Variants in AFF2 observed in about 807,000 individuals in gnomAD.
The protein encoded by AFF2 is AF4/FMR2 family member 2.
In AFF2, 14 loss-of-function variants were observed where a neutral mutation model predicts 76.9. The ratio of observed to expected loss-of-function variants is 0.18; its 90% CI spans 0.12 to 0.28. The LOEUF is 0.28. Ranked by LOEUF, AFF2 falls within the 10% of genes least tolerant of loss-of-function variation. The pLI is 1.00. For missense variants in AFF2, 868 were observed against 1,001.1 expected (o/e 0.87, Z 1.79); for synonymous variants, 398 against 366.7 (o/e 1.09, Z -0.98).
intron 1 of AFF2, among the ~76,000 whole-genome samples, chrX:148,578,494 C>T (rs2053317141): frequency 9.0e-6 from 1 of 111,370 alleles, no homozygotes; most frequent in Non-Finnish European, 1.9e-5. Flanking sequence ...TTTATGTTTC[C>T]CCTGCTGCCT....
intron 1 of AFF2, among the ~76,000 whole-genome samples, chrX:148,520,484 G>A (rs782748401): frequency 5.4e-5 from 6 of 111,702 alleles, no homozygotes; most frequent in South Asian, 3.8e-4. Flanking sequence ...CGGCTCCCAC[G>A]TTTTTGTGCT....
Position 148,973,474 on chromosome X carries a change from G to C in AFF2, c.3271G>C (p.Glu1091Gln). The change falls in exon 16 of 21, where the codon GAG becomes CAG. Residue 1091 changes from glutamate to glutamine, a missense_variant. Coordinates refer to ENST00000370460, the MANE Select transcript of AFF2 (RefSeq NM_002025.4). ...ACGAGTCATCTTCCTGTTTCAGTTC[G>C]AGAAATTTGGCAAAGCTGTGAATTA... ...KLKHKADALF[E>Q]KFGKAVNYAD... 1 of 1,210,733 alleles carries C rather than the reference G, an allele frequency of 8.3e-7. No individual in the cohort carries two copies. The highest frequency in any genetic ancestry group is 1.1e-6 in the Non-Finnish European group (1 of 894,970).
At chrX:148,752,885 AAGGGTTCTT>A (rs1461677677) in intron 3 of AFF2, among the ~76,000 whole-genome samples, 17 of 111,912 alleles carry the variant, frequency 1.5e-4, no homozygotes, top group African/African-American at 5.5e-4. Flanking sequence ...TCATTGAGCA[AAGGGTTCTT>A]AGACATCAGC....
intron 1 of AFF2, among the ~76,000 whole-genome samples, chrX:148,633,294 A>G (rs1471395240): frequency 1.8e-5 from 2 of 111,828 alleles, no homozygotes; most frequent in Non-Finnish European, 3.8e-5. Context: ...GCACCCTGAA[A>G]CTAATCTTAC....
chrX:148,798,686 A>G (rs1411827575), intron 3 of AFF2, among the ~76,000 whole-genome samples: 1 of 112,279 alleles, frequency 8.9e-6, no homozygotes, highest in Non-Finnish European at 1.9e-5. Context: ...GAAATAATCA[A>G]TACCTTGTTT....
intron 3 of AFF2, among the ~76,000 whole-genome samples, chrX:148,708,810 A>G: frequency 8.9e-6 from 1 of 112,650 alleles, no homozygotes. Context: ...AGATATGCCT[A>G]TAGATTTTTG....
intron 20 of AFF2, among the ~76,000 whole-genome samples, 174 bp downstream of exon 20, chrX:148,987,731 G>A (rs781917581): frequency 9.0e-6 from 1 of 111,423 alleles, no homozygotes; most frequent in Admixed American, 9.5e-5. Flanking sequence ...TATTATTCCT[G>A]AGAGCATAAA....
intron 7 of AFF2, among the ~76,000 whole-genome samples, chrX:148,878,472 CT>C (rs1486967072): frequency 1.8e-5 from 2 of 111,680 alleles, no homozygotes; most frequent in African/African-American, 6.5e-5. Flanking sequence ...TTCAGTCAAT[CT>C]ATATTCTTTA....
Position 148,897,844 on chromosome X carries a change from A to G in AFF2, c.1360-6377A>G, listed in dbSNP as rs956531328. 3.6e-5 allele frequency among the ~76,000 whole-genome samples: 4 copies of G among 110,851 alleles called. No homozygotes were observed. In the Admixed American group the frequency reaches 3.9e-4, roughly 11 times the overall value. ...CAAACCCCAGGGGAACAGAGTGACC[A>G]AGTGCCACTTACATTGGGCCTCCTG... On this transcript the variant is annotated intron_variant, in intron 8 of 20. Coordinates refer to ENST00000370460, the MANE Select transcript of AFF2 (RefSeq NM_002025.4).
intron 3 of AFF2, among the ~76,000 whole-genome samples, chrX:148,763,124 T>G (rs2069471976): frequency 8.9e-6 from 1 of 112,364 alleles, no homozygotes; most frequent in Admixed American, 9.5e-5. Context: ...TTTGAGAATC[T>G]CAATGCATTT....
At position 148,860,504 on chromosome X, in the gene AFF2, T is replaced by A. The variant is rs111928853; in HGVS notation, c.1262+17071T>A. ...TGTTACGTGGAATCATCATTTTGAA[T>A]AGAGCAAAATGACGCTGGAAAAGAG... On this transcript the variant is annotated intron_variant, in intron 7 of 20. Transcript: ENST00000370460. 6.4e-3 allele frequency among the ~76,000 whole-genome samples: 711 copies of A among 111,756 alleles called. 10 individuals carry two copies. The highest frequency in any genetic ancestry group is 0.021 in the African/African-American group (663 of 30,871).
chrX:148,780,807 G>C (rs1356353272), intron 3 of AFF2, among the ~76,000 whole-genome samples: 2 of 111,662 alleles, frequency 1.8e-5, no homozygotes, highest in African/African-American at 6.5e-5. Flanking sequence ...GAGGAGTTGT[G>C]ATCCTTTGGA....
At chrX:148,990,480 T>G (rs2072521540) in intron 20 of AFF2, among the ~76,000 whole-genome samples, 1 of 112,503 alleles carries the variant, frequency 8.9e-6, no homozygotes, top group Admixed American at 9.4e-5. Context: ...TCATATAGTT[T>G]TTCCCACATA....
intron 9 of AFF2, among the ~76,000 whole-genome samples, chrX:148,949,451 C>T (rs1434838159): frequency 8.9e-6 from 1 of 112,013 alleles, no homozygotes; most frequent in Non-Finnish European, 1.9e-5. Flanking sequence ...GATTCCCCCA[C>T]TAGGGTCACT....
Position 148,524,760 on chromosome X carries a change from C to T in AFF2, c.47+23616C>T, listed in dbSNP as rs193293100. On this transcript the variant is annotated intron_variant, in intron 1 of 20. Transcript: ENST00000370460. ...TATATCTGAGTTACCAATGCCTCAT[C>T]TTCCAGAGAGCAGGCAGTAGGCGGC... 2.1e-3 allele frequency among the ~76,000 whole-genome samples: 234 copies of T among 112,233 alleles called. 2 individuals carry two copies. Among genetic ancestry groups the T allele is most frequent in the African/African-American group, 7.4e-3 (228 of 30,930 alleles).
At chrX:148,521,321 C>G (rs920411247) in intron 1 of AFF2, among the ~76,000 whole-genome samples, 3 of 108,085 alleles carry the variant, frequency 2.8e-5, no homozygotes, top group African/African-American at 1.0e-4. Context: ...GTATAACTTA[C>G]AAACTGAATG....
rs200788138 is a variant in AFF2, at chrX:148,955,653, A to G, written c.1608A>G (p.Lys536=). The G allele has an allele frequency of 1.4e-4, 170 of 1,209,275 alleles. No homozygotes were observed. The East Asian group carries it at 1.5e-3, about 11-fold the overall frequency. ...GGCAACTGGATAAATGGCTTAACAA[A>G]GTGACATCCCAGAACAAGTCTTTTA... ...NKWQLDKWLN[K]VTSQNKSFIC... is the part of the protein sequence containing the mutation. The change falls in exon 11 of 21, where the codon AAA becomes AAG. Residue 536 remains lysine, a synonymous_variant. Coordinates refer to ENST00000370460, the MANE Select transcript of AFF2 (RefSeq NM_002025.4).
chrX:148,670,539 A>C (rs1427565567), intron 3 of AFF2, among the ~76,000 whole-genome samples: 1 of 111,942 alleles, frequency 8.9e-6, no homozygotes, highest in Non-Finnish European at 1.9e-5. Context: ...ATGTGGGACC[A>C]AAGTGAGAGA....
chrX:148,871,526 A>G (rs782566405), intron 7 of AFF2, among the ~76,000 whole-genome samples: 2 of 111,933 alleles, frequency 1.8e-5, no homozygotes, highest in African/African-American at 3.2e-5. Flanking sequence ...TTCTTCTGTA[A>G]TCACTAAAAT....
Sources: gnomAD v4.1 joint callset for allele counts (sites outside exome capture counted in the v4.1 genomes callset) on GRCh38, gnomAD v4.1.1 for gene constraint, MANE v1.5 for transcripts, NCBI Gene and HGNC (gene_info 2026-07-23, HGNC 2026-07-21) for gene names.